PAK1: variants seen among roughly 807,000 people sequenced by gnomAD.
PAK1 encodes serine/threonine-protein kinase PAK 1.
In PAK1, 29 loss-of-function variants were observed where a neutral mutation model predicts 67.4. That is an observed-to-expected ratio of 0.43 (90% CI 0.32 to 0.59). The LOEUF (loss-of-function observed/expected upper bound fraction) is 0.59, where lower values mean the gene tolerates loss of function less well. PAK1 is among the 20% of genes least tolerant of loss of function. PAK1 has a pLI of 0.07. For missense variants in PAK1, 337 were observed against 670.7 expected (o/e 0.50, Z 5.50); for synonymous variants, 223 against 237.4 (o/e 0.94, Z 0.56).
At chr11:77,461,788 T>C (rs11237195) in intron 1 of PAK1, among the ~76,000 whole-genome samples, 37,248 of 152,164 alleles carry the variant, frequency 0.24, 5,646 homozygotes, top group South Asian at 0.45. Flanking sequence ...AGTCACATTA[T>C]TCATGTTAAG....
the PAK1 span, among the ~76,000 whole-genome samples, chr11:77,505,832 A>C: frequency 6.6e-6 from 1 of 152,194 alleles, no homozygotes; most frequent in African/African-American, 2.4e-5. Context: ...AGTACATTTT[A>C]AATAAACAGT....
chr11:77,512,955 G>A, the PAK1 span, among the ~76,000 whole-genome samples: 236 of 152,234 alleles, frequency 1.6e-3, 2 homozygotes, highest in Non-Finnish European at 2.0e-3. Flanking sequence ...TTAGCTGGAC[G>A]TGGTGGCACA....
chr11:77,330,801 A>G (rs531787853), intron 14 of PAK1, among the ~76,000 whole-genome samples: 3 of 152,302 alleles, frequency 2.0e-5, no homozygotes, highest in Admixed American at 6.5e-5. Context: ...TAATTAAACT[A>G]AAGAGCTTCT....
rs566100208 is a variant in PAK1 at position 77,403,025 on chromosome 11, T to C, written c.-21-10484A>G. 3.9e-4 allele frequency among the ~76,000 whole-genome samples: 60 copies of C among 152,262 alleles called. 1 individual carries two copies. The highest frequency in any genetic ancestry group is 5.8e-4 in the East Asian group (3 of 5,174). On this transcript the variant is annotated intron_variant, in intron 1 of 14. Transcript: ENST00000356341. ...TTGCCACTGGCTACACTCTTGCTCC[T>C]TTACCTTAAAAGAAATCTGGCTATG...
chr11:77,423,096 C>T (rs896790308), intron 1 of PAK1, among the ~76,000 whole-genome samples: 4 of 151,762 alleles, frequency 2.6e-5, no homozygotes, highest in African/African-American at 9.7e-5. Flanking sequence ...CTAATTGATA[C>T]AAACAAGAAG....
At chr11:77,515,961 A>T in the PAK1 span, among the ~76,000 whole-genome samples, 1 of 152,220 alleles carries the variant, frequency 6.6e-6, no homozygotes, top group Non-Finnish European at 1.5e-5. Context: ...CGTCTAGTGG[A>T]AAAGTTGGAA....
chr11:77,453,183 C>T (rs4590893), intron 1 of PAK1, among the ~76,000 whole-genome samples: 37,197 of 152,026 alleles, frequency 0.24, 5,628 homozygotes, highest in South Asian at 0.45. Flanking sequence ...GGCAAAACCC[C>T]GTCTCTACTA....
upstream of PAK1, among the ~76,000 whole-genome samples, chr11:77,478,217 T>C (rs1238985863): frequency 6.6e-6 from 1 of 152,192 alleles, no homozygotes; most frequent in East Asian, 1.9e-4. Flanking sequence ...GTTATTTTTT[T>C]TTTTCTCATC....
chr11:77,464,864 G>C (rs1957520064), intron 1 of PAK1, among the ~76,000 whole-genome samples: 1 of 152,084 alleles, frequency 6.6e-6, no homozygotes, highest in South Asian at 2.1e-4. Context: ...TGATTGGATG[G>C]GTATTCCAAG....
At chr11:77,327,221 T>A (rs1457887994) in intron 14 of PAK1, among the ~76,000 whole-genome samples, 1 of 152,178 alleles carries the variant, frequency 6.6e-6, no homozygotes, top group Non-Finnish European at 1.5e-5. Context: ...CAGTATATTA[T>A]CCAGGAGAAC....
At chr11:77,504,487 A>G in the PAK1 span, among the ~76,000 whole-genome samples, 1 of 152,156 alleles carries the variant, frequency 6.6e-6, no homozygotes, top group Admixed American at 6.5e-5. Flanking sequence ...CTTTTTTCTG[A>G]TAAGTTTGAA....
At chr11:77,444,209 C>A (rs1270423572) in intron 1 of PAK1, among the ~76,000 whole-genome samples, 1 of 150,138 alleles carries the variant, frequency 6.7e-6, no homozygotes, top group Admixed American at 6.7e-5. Context: ...AAGGTCACAG[C>A]AAGGACAAGA....
intron 1 of PAK1, among the ~76,000 whole-genome samples, chr11:77,459,720 TCTCG>T (rs1268676636): frequency 1.5e-5 from 2 of 129,620 alleles, no homozygotes; most frequent in African/African-American, 6.1e-5. Flanking sequence ...TGAGACGGAG[TCTCG>T]CTCTTTCACC....
intron 1 of PAK1, among the ~76,000 whole-genome samples, chr11:77,465,146 G>T (rs1429826765): frequency 6.6e-6 from 1 of 152,100 alleles, no homozygotes; most frequent in East Asian, 1.9e-4. Context: ...ACGATTTTTT[G>T]AAAGAGTTAG....
intron 1 of PAK1, among the ~76,000 whole-genome samples, chr11:77,408,694 A>G (rs1052487868): frequency 6.6e-6 from 1 of 152,236 alleles, no homozygotes; most frequent in Non-Finnish European, 1.5e-5. Flanking sequence ...CGAAGTGGAG[A>G]CAACCCACAA....
chr11:77,426,078 CTTTT>C (rs35602138), intron 1 of PAK1, among the ~76,000 whole-genome samples: 3 of 117,226 alleles, frequency 2.6e-5, no homozygotes, highest in Non-Finnish European at 1.7e-5. Flanking sequence ...TTGAAGGCCT[CTTTT>C]TTTTTTTTTT....
At chr11:77,352,853 T>A (rs552323) in intron 8 of PAK1, among the ~76,000 whole-genome samples, 1 of 152,050 alleles carries the variant, frequency 6.6e-6, no homozygotes, top group Non-Finnish European at 1.5e-5. Context: ...TAGGCTATAC[T>A]ATTTAGTTTT....
At chr11:77,427,606 TC>T (rs1955618566) in intron 1 of PAK1, among the ~76,000 whole-genome samples, 1 of 152,114 alleles carries the variant, frequency 6.6e-6, no homozygotes, top group Non-Finnish European at 1.5e-5. Flanking sequence ...CAAAATTCAT[TC>T]CCTTGACAAG....
At chr11:77,442,215 G>A (rs1956384717) in intron 1 of PAK1, among the ~76,000 whole-genome samples, 1 of 152,190 alleles carries the variant, frequency 6.6e-6, no homozygotes, top group African/African-American at 2.4e-5. Flanking sequence ...GAGGTAGCCA[G>A]CCTCTAAGAT....
Sources: gnomAD v4.1 joint callset for allele counts (sites outside exome capture counted in the v4.1 genomes callset) on GRCh38, gnomAD v4.1.1 for gene constraint, MANE v1.5 for transcripts, NCBI Gene and HGNC (gene_info 2026-07-23, HGNC 2026-07-21) for gene names.